STYX: variants seen among roughly 807,000 people sequenced by gnomAD.
STYX encodes the protein serine/threonine/tyrosine-interacting protein.
STYX carries 20 observed loss-of-function variants against 42.7 expected under a neutral mutation model. The observed-to-expected ratio is 0.47, with a 90% CI of 0.33 to 0.68. The LOEUF (loss-of-function observed/expected upper bound fraction) is 0.68, where lower values mean the gene tolerates loss of function less well. Ranked by LOEUF, STYX falls within the 30% of genes least tolerant of loss-of-function variation. STYX has a pLI of 0.02. For synonymous variants in STYX, 78 were observed against 81.9 expected (o/e 0.95, Z 0.26); for missense variants, 226 against 268.5 (o/e 0.84, Z 1.11).
chr14:52,767,314 A>C (rs889152777), intron 9 of STYX, among the ~76,000 whole-genome samples: 3 of 152,172 alleles, frequency 2.0e-5, no homozygotes, highest in Admixed American at 6.5e-5. Context: ...TCCCCACATT[A>C]AGTGTTTGGA....
intron 4 of STYX, among the ~76,000 whole-genome samples, chr14:52,753,071 G>C (rs182171323): frequency 8.1e-6 from 1 of 123,822 alleles, no homozygotes. Flanking sequence ...TTTTTTTTTG[G>C]ACAGAGTTTC....
chr14:52,752,256 C>T (rs929111695), intron 4 of STYX, among the ~76,000 whole-genome samples: 4 of 151,536 alleles, frequency 2.6e-5, no homozygotes, highest in South Asian at 2.1e-4. Flanking sequence ...ATCACGAGGT[C>T]GAGATTGAGA....
chr14:52,744,734 G>C (rs1881327904), intron 1 of STYX, 118 bp from the exon 2 acceptor site: 4 of 888,388 alleles, frequency 4.5e-6, no homozygotes, highest in Non-Finnish European at 7.0e-6. Context: ...TTAATAAAAT[G>C]TTCTTAAAGT....
chr14:52,762,053 A>G (rs1225671832), intron 9 of STYX, among the ~76,000 whole-genome samples: 2 of 151,782 alleles, frequency 1.3e-5, no homozygotes, highest in East Asian at 4.0e-4. Context: ...CACAAAAGAA[A>G]AAAAAAAATA....
At chr14:52,746,142 T>G (rs1881387309) in intron 2 of STYX, among the ~76,000 whole-genome samples, 1 of 152,128 alleles carries the variant, frequency 6.6e-6, no homozygotes, top group South Asian at 2.1e-4. Flanking sequence ...TAGATAATAG[T>G]TTTAGGTCAG....
intron 9 of STYX, among the ~76,000 whole-genome samples, chr14:52,762,490 C>T (rs575907082): frequency 6.2e-4 from 95 of 152,218 alleles, no homozygotes; most frequent in African/African-American, 2.2e-3. Context: ...TTATGATAGA[C>T]TGTTCTGTTA....
intron 5 of STYX, 79 bp from the exon 6 acceptor site, chr14:52,757,240 G>T: frequency 1.7e-6 from 2 of 1,150,276 alleles, no homozygotes; most frequent in Non-Finnish European, 2.5e-6. Flanking sequence ...TTAGGAAATT[G>T]TTTTCAATAG....
At chr14:52,751,916 A>T (rs975251621) in intron 4 of STYX, among the ~76,000 whole-genome samples, 1 of 152,176 alleles carries the variant, frequency 6.6e-6, no homozygotes, top group Non-Finnish European at 1.5e-5. Context: ...TAATCCCAGC[A>T]TTTTGGGAGG....
At chr14:52,760,135 G>A (rs1273489052) in intron 9 of STYX, among the ~76,000 whole-genome samples, 1 of 152,194 alleles carries the variant, frequency 6.6e-6, no homozygotes, top group Non-Finnish European at 1.5e-5. Flanking sequence ...GAGCCCAGGA[G>A]TTTGAGGCTA....
chr14:52,746,366 T>G (rs1466338913), intron 2 of STYX, 60 bp from the exon 3 acceptor site: 1 of 1,311,750 alleles, frequency 7.6e-7, no homozygotes, highest in Admixed American at 2.5e-5. Context: ...TTGTCTTATT[T>G]ATATAGCCTT....
intron 1 of STYX, among the ~76,000 whole-genome samples, chr14:52,744,159 A>G (rs1430330920): frequency 3.3e-5 from 5 of 152,136 alleles, no homozygotes; most frequent in Non-Finnish European, 7.3e-5. Context: ...TCAATTCACT[A>G]TACTTTTTTT....
chr14:52,755,331 C>A (rs1032008268), intron 4 of STYX, among the ~76,000 whole-genome samples: 3 of 151,990 alleles, frequency 2.0e-5, no homozygotes, highest in Admixed American at 6.6e-5. Context: ...CCATGTTGGC[C>A]AGGATGGTCT....
At chr14:52,740,005 G>A (rs551281350) in intron 1 of STYX, among the ~76,000 whole-genome samples, 23 of 152,090 alleles carry the variant, frequency 1.5e-4, no homozygotes, top group Non-Finnish European at 2.9e-4. Context: ...TAGGCTGGGC[G>A]CGGTGGCTCA....
intron 9 of STYX, among the ~76,000 whole-genome samples, chr14:52,761,625 A>C (rs184750322): frequency 6.9e-6 from 1 of 145,294 alleles, no homozygotes; most frequent in African/African-American, 2.5e-5. Flanking sequence ...CTGGAGTGCA[A>C]TGGCGCCATC....
intron 4 of STYX, among the ~76,000 whole-genome samples, chr14:52,755,856 G>C (rs1309683922): frequency 6.6e-6 from 1 of 152,014 alleles, no homozygotes; most frequent in African/African-American, 2.4e-5. Context: ...GGACCACTTA[G>C]AGAACAATCT....
At chr14:52,731,559 T>C (rs958397074) in intron 1 of STYX, 29 of 149,938 alleles carry the variant, frequency 1.9e-4, no homozygotes, top group African/African-American at 7.1e-4. Context: ...TGCCTCAGCC[T>C]CCTGAGTAGC....
intron 9 of STYX, among the ~76,000 whole-genome samples, chr14:52,760,878 A>G (rs1882066557): frequency 6.6e-6 from 1 of 152,122 alleles, no homozygotes; most frequent in Admixed American, 6.5e-5. Flanking sequence ...TGCAATGTGT[A>G]ATAATCACAT....
chr14:52,740,254 C>T (rs1881133422), intron 1 of STYX, among the ~76,000 whole-genome samples: 1 of 152,056 alleles, frequency 6.6e-6, no homozygotes, highest in African/African-American at 2.4e-5. Context: ...GCACTCCAGC[C>T]TAGGCGACAG....
chr14:52,737,912 A>C (rs1881019984), intron 1 of STYX, among the ~76,000 whole-genome samples: 3 of 152,114 alleles, frequency 2.0e-5, no homozygotes, highest in African/African-American at 7.2e-5. Flanking sequence ...AGTAGCTGGG[A>C]CTACAGGCGC....
Sources: gnomAD v4.1 joint callset for allele counts (sites outside exome capture counted in the v4.1 genomes callset) on GRCh38, gnomAD v4.1.1 for gene constraint, MANE v1.5 for transcripts, NCBI Gene and HGNC (gene_info 2026-07-23, HGNC 2026-07-21) for gene names.